ORMDL1: variants seen among roughly 807,000 people sequenced by gnomAD.
The protein encoded by ORMDL1 is ORMDL sphingolipid biosynthesis regulator 1, also known as ORM1-like protein 1.
A neutral mutation model predicts 13.0 loss-of-function variants in ORMDL1; 10 were observed. That is an observed-to-expected ratio of 0.77 (90% CI 0.47 to 1.30). The LOEUF (loss-of-function observed/expected upper bound fraction) is 1.30. ORMDL1 is among the 50% of genes most tolerant of loss of function. The pLI, the probability that ORMDL1 is intolerant of heterozygous loss-of-function variation, is 0.00. For missense variants in ORMDL1, 171 were observed against 186.7 expected, an observed-to-expected ratio of 0.92 and a Z score of 0.49; for synonymous variants, 61 against 63.9, an observed-to-expected ratio of 0.95 and a Z score of 0.22.
At chr2:189,768,409 T>C (rs954912211), downstream of ORMDL1, among the ~76,000 whole-genome samples, 2 of 152,226 alleles carry the variant, frequency 1.3e-5, no homozygotes, top group African/African-American at 4.8e-5. Context: ...ATGAGGCTAT[T>C]TTTGGGTGAT....
At chr2:189,779,020 ATCAG>A (rs1323912567) in intron 3 of ORMDL1, among the ~76,000 whole-genome samples, 2 of 152,116 alleles carry the variant, frequency 1.3e-5, no homozygotes, top group Non-Finnish European at 2.9e-5. Flanking sequence ...CCCCATCTCA[ATCAG>A]TCAATCAGCT....
At chr2:189,779,467 T>C (rs774306825) in intron 3 of ORMDL1, among the ~76,000 whole-genome samples, 8 of 152,280 alleles carry the variant, frequency 5.3e-5, no homozygotes, top group Non-Finnish European at 1.2e-4. Flanking sequence ...TAGAAAAGCT[T>C]AAGCCAAAAC....
chr2:189,780,303 C>T (rs1217306545), intron 3 of ORMDL1, among the ~76,000 whole-genome samples: 1 of 152,178 alleles, frequency 6.6e-6, no homozygotes, highest in Non-Finnish European at 1.5e-5. Flanking sequence ...AATTTTAGAA[C>T]ATTTTCTATT....
At chr2:189,764,347 T>C in the ORMDL1 span, 34 of 152,346 alleles carry the variant, frequency 2.2e-4, no homozygotes, top group Non-Finnish European at 4.1e-4. Flanking sequence ...AATGCTCTTC[T>C]GTGCTGTCAA....
At chr2:189,766,112 A>G (rs918342239), downstream of ORMDL1, among the ~76,000 whole-genome samples, 4 of 152,154 alleles carry the variant, frequency 2.6e-5, no homozygotes, top group African/African-American at 4.8e-5. Flanking sequence ...GGCGTGAGCC[A>G]CCACGCCCAG....
chr2:189,771,691 C>T lies in ORMDL1; in HGVS notation c.*76G>A, dbSNP rs568642716. 1.9e-5 allele frequency: 24 copies of T among 1,258,262 alleles called. No individual in the cohort carries two copies. In the African/African-American group the frequency reaches 3.7e-4, roughly 19 times the overall value. The allele number at this position is 1,258,262 out of a possible 1,614,324, so 77.9% of individuals were successfully genotyped here. A position where few individuals can be genotyped will look rare whatever the true frequency, so the allele number is the denominator to read the frequency against. ...TTCTCATTTCACATTATCACAGAAACAGTGCAGTTTACTAACCACTCCTTC... is the reference window on the plus strand; with the variant it reads ...TTCTCATTTCACATTATCACAGAAATAGTGCAGTTTACTAACCACTCCTTC... On this transcript the variant is annotated 3_prime_UTR_variant, in exon 5 of 5. Coordinates refer to ENST00000392349, the MANE Select transcript of ORMDL1 (RefSeq NM_016467.5).
At chr2:189,768,230 T>C (rs1443118676), downstream of ORMDL1, among the ~76,000 whole-genome samples, 1 of 152,262 alleles carries the variant, frequency 6.6e-6, no homozygotes, top group Non-Finnish European at 1.5e-5. Context: ...TAGGGTATTT[T>C]ACCTAGATAG....
chr2:189,771,904 T>C lies in ORMDL1; in HGVS notation c.327-2A>G, dbSNP rs754811979. On this transcript the variant is annotated splice_acceptor_variant, in intron 4 of 4. Transcript: ENST00000392349. LOFTEE classifies it high-confidence loss of function. Reference sequence around the variant, plus strand: ...GTATAGAAACTTGCCAGAAAATATCTGTAGAGATAAAAGTTAAGAATATAT... The same window carrying C: ...GTATAGAAACTTGCCAGAAAATATCCGTAGAGATAAAAGTTAAGAATATAT... 4.4e-6 allele frequency: 7 copies of C among 1,573,792 alleles called. No homozygotes were observed. The African/African-American group carries it at 6.8e-5, about 15-fold the overall frequency.
chr2:189,775,669 A>T lies in ORMDL1; in HGVS notation c.222T>A (p.Thr74=). ...GGAGCCTTGCTTTACCCTGGTCAGGAGTTTCGAAAGGTGTTCCTTTCACTG... is the reference window on the plus strand; with the variant it reads ...GGAGCCTTGCTTTACCCTGGTCAGGTGTTTCGAAAGGTGTTCCTTTCACTG... ...LHAVKGTPFE[T]PDQGKARLLT... Residue 74 remains threonine (T), a synonymous_variant, in exon 4 of 5, where the codon ACT becomes ACA. Coordinates refer to ENST00000392349, the MANE Select transcript of ORMDL1 (RefSeq NM_016467.5). 6.2e-7 allele frequency: 1 copy of T among 1,613,938 alleles called. No homozygotes were observed. The highest frequency in any genetic ancestry group is 1.1e-5 in the South Asian group (1 of 91,066).
At chr2:189,781,913 C>A (rs1346641727) in intron 3 of ORMDL1, among the ~76,000 whole-genome samples, 4 of 149,520 alleles carry the variant, frequency 2.7e-5, no homozygotes, top group Admixed American at 2.0e-4. Context: ...TATGTTTAAA[C>A]ACACATGTCA....
At chr2:189,776,565 A>G (rs1337658775) in intron 3 of ORMDL1, among the ~76,000 whole-genome samples, 2 of 152,162 alleles carry the variant, frequency 1.3e-5, no homozygotes, top group Non-Finnish European at 2.9e-5. Context: ...TTTTCCTTCT[A>G]GACGCCACAA....
At chr2:189,765,120 C>G in the ORMDL1 span, 1 of 152,168 alleles carries the variant, frequency 6.6e-6, no homozygotes, top group Non-Finnish European at 1.5e-5. Context: ...CATGAGCCAC[C>G]ACGCCTGGCC....
downstream of ORMDL1, among the ~76,000 whole-genome samples, chr2:189,766,769 T>A (rs904231258): frequency 8.5e-5 from 13 of 152,084 alleles, no homozygotes; most frequent in African/African-American, 1.2e-4. Context: ...TAAGCTCCCA[T>A]TCCTTCTGCC....
intron 3 of ORMDL1, 122 bp downstream of exon 3, chr2:189,782,300 T>C: frequency 1.2e-6 from 1 of 804,650 alleles, no homozygotes; most frequent in South Asian, 1.9e-5. Flanking sequence ...ACTCTCTTCA[T>C]CTTGCAAAAC....
chr2:189,774,075 G>A (rs1257358278), intron 4 of ORMDL1: 1 of 152,168 alleles, frequency 6.6e-6, no homozygotes, highest in African/African-American at 2.4e-5. Context: ...AAGTCACAGA[G>A]CTTCAAAGGG....
At chr2:189,767,015 C>T (rs1200219375), downstream of ORMDL1, among the ~76,000 whole-genome samples, 1 of 152,202 alleles carries the variant, frequency 6.6e-6, no homozygotes. Context: ...TTGATGGACA[C>T]TTGGATTGCT....
chr2:189,777,505 T>A (rs2047726134), intron 3 of ORMDL1, among the ~76,000 whole-genome samples: 1 of 152,222 alleles, frequency 6.6e-6, no homozygotes, highest in Non-Finnish European at 1.5e-5. Flanking sequence ...AACTAGTGTT[T>A]AGAATATCAA....
chr2:189,774,722 A>G (rs569564083), intron 4 of ORMDL1: 2 of 152,326 alleles, frequency 1.3e-5, no homozygotes, highest in South Asian at 4.1e-4. Context: ...TTTATTTGTC[A>G]ATTATACCTC....
At chr2:189,764,091 G>A in the ORMDL1 span, 1 of 152,162 alleles carries the variant, frequency 6.6e-6, no homozygotes, top group Non-Finnish European at 1.5e-5. Flanking sequence ...CAGGACATCT[G>A]GCACTGGAGT....
Sources: gnomAD v4.1 joint callset for allele counts (sites outside exome capture counted in the v4.1 genomes callset) on GRCh38, gnomAD v4.1.1 for gene constraint, MANE v1.5 for transcripts, NCBI Gene and HGNC (gene_info 2026-07-23, HGNC 2026-07-21) for gene names.